PKNOX2: variants seen among roughly 807,000 people sequenced by gnomAD.
PKNOX2 encodes the protein homeobox protein PKNOX2.
A neutral mutation model predicts 53.1 loss-of-function variants in PKNOX2; 14 were observed. The ratio of observed to expected loss-of-function variants is 0.26; its 90% CI spans 0.17 to 0.41. The LOEUF (loss-of-function observed/expected upper bound fraction) is 0.41, where lower values mean the gene tolerates loss of function less well. Ranked by LOEUF, PKNOX2 falls within the 10% of genes least tolerant of loss-of-function variation. PKNOX2 has a pLI of 1.00. For missense variants in PKNOX2, 496 were observed against 602.8 expected (o/e 0.82, Z 1.85); for synonymous variants, 257 against 242.8 (o/e 1.06, Z -0.54).
chr11:125,241,159 C>T (rs1943114137), intron 2 of PKNOX2, among the ~76,000 whole-genome samples: 1 of 152,168 alleles, frequency 6.6e-6, no homozygotes, highest in Non-Finnish European at 1.5e-5. Context: ...TTCCTAACTT[C>T]ATCTCTCACC....
At chr11:125,413,606 A>G (rs1051774106) in intron 10 of PKNOX2, among the ~76,000 whole-genome samples, 2 of 152,158 alleles carry the variant, frequency 1.3e-5, no homozygotes, top group Non-Finnish European at 2.9e-5. Context: ...TAGAAAGCTC[A>G]TGGGCTTTTG....
intron 2 of PKNOX2, among the ~76,000 whole-genome samples, chr11:125,284,806 G>T (rs572144705): frequency 6.6e-6 from 1 of 152,198 alleles, no homozygotes; most frequent in South Asian, 2.1e-4. Flanking sequence ...GGAGGTCATT[G>T]GGCCCCCCTG....
chr11:125,346,910 T>C (rs889121167), intron 3 of PKNOX2, among the ~76,000 whole-genome samples: 13 of 151,902 alleles, frequency 8.6e-5, no homozygotes, highest in African/African-American at 3.1e-4. Flanking sequence ...CTCTCTGAAC[T>C]CCAGCACTCT....
intron 5 of PKNOX2, among the ~76,000 whole-genome samples, chr11:125,377,074 C>T (rs562639194): frequency 6.6e-6 from 1 of 152,222 alleles, no homozygotes; most frequent in South Asian, 2.1e-4. Flanking sequence ...GTCAGTGTTG[C>T]CCTGAATTTA....
Position 125,362,914 on chromosome 11 carries a change from C to T in PKNOX2, c.88-4932C>T, listed in dbSNP as rs559998651. ...GCCCCACCCAGATTTTACACACCTG[C>T]ATATACATCTGACAAGCCCTGACTC... is the stretch of plus-strand genomic sequence containing the variant. On this transcript the variant is annotated intron_variant, in intron 4 of 12. Transcript: ENST00000298282. Among the ~76,000 whole-genome samples, 208 of 152,316 alleles carry T rather than the reference C, an allele frequency of 1.4e-3. 1 individual carries two copies. The highest frequency in any genetic ancestry group is 5.4e-3 in the South Asian group (26 of 4,824).
At chr11:125,415,168 C>A (rs1955803187) in intron 10 of PKNOX2, among the ~76,000 whole-genome samples, 1 of 150,574 alleles carries the variant, frequency 6.6e-6, no homozygotes, top group African/African-American at 2.4e-5. Context: ...TTTATGAGGT[C>A]TTGCACCCCA....
At chr11:125,292,347 G>A (rs990572555) in intron 2 of PKNOX2, among the ~76,000 whole-genome samples, 3 of 152,204 alleles carry the variant, frequency 2.0e-5, no homozygotes, top group Non-Finnish European at 2.9e-5. Context: ...AGAAAGTCGG[G>A]GACAAAGCTT....
chr11:125,307,691 G>A (rs1439372633), intron 2 of PKNOX2, among the ~76,000 whole-genome samples: 1 of 152,190 alleles, frequency 6.6e-6, no homozygotes, highest in Non-Finnish European at 1.5e-5. Flanking sequence ...TACTCTTTAG[G>A]AAAAAGAGGC....
intron 3 of PKNOX2, among the ~76,000 whole-genome samples, chr11:125,343,111 C>T (rs1290860130): frequency 6.6e-6 from 1 of 151,752 alleles, no homozygotes; most frequent in Non-Finnish European, 1.5e-5. Flanking sequence ...CCTCCTGCCT[C>T]CATTCCTGGG....
chr11:125,265,562 G>A (rs951372821), intron 2 of PKNOX2, among the ~76,000 whole-genome samples: 9 of 152,094 alleles, frequency 5.9e-5, no homozygotes, highest in South Asian at 2.1e-4. Context: ...CTCTGCTGCC[G>A]CCTCACCCTG....
chr11:125,369,195 A>G (rs1591545070), intron 5 of PKNOX2, among the ~76,000 whole-genome samples: 2 of 152,232 alleles, frequency 1.3e-5, no homozygotes, highest in African/African-American at 4.8e-5. Flanking sequence ...GGTCCAGAGC[A>G]GTGGCCTCTG....
chr11:125,224,044 A>T (rs560202119), intron 1 of PKNOX2, among the ~76,000 whole-genome samples: 104 of 152,366 alleles, frequency 6.8e-4, no homozygotes, highest in Non-Finnish European at 9.8e-4. Flanking sequence ...GGCCTTGCTC[A>T]CACAGCTTTT....
chr11:125,326,966 A>T (rs1949852065), intron 2 of PKNOX2, among the ~76,000 whole-genome samples: 1 of 152,218 alleles, frequency 6.6e-6, no homozygotes, highest in African/African-American at 2.4e-5. Context: ...CGTGTAGGCA[A>T]ACCACACTTT....
chr11:125,231,710 G>GGT (rs1488419878), intron 1 of PKNOX2, among the ~76,000 whole-genome samples: 1 of 151,750 alleles, frequency 6.6e-6, no homozygotes, highest in African/African-American at 2.4e-5. Flanking sequence ...TACACACACA[G>GGT]GTGTGTGTGG....
At chr11:125,430,491 C>T (rs1260818336) in intron 12 of PKNOX2, among the ~76,000 whole-genome samples, 1 of 152,174 alleles carries the variant, frequency 6.6e-6, no homozygotes, top group African/African-American at 2.4e-5. Flanking sequence ...AGGCAGGCAG[C>T]TGGCTCGTGA....
intron 2 of PKNOX2, among the ~76,000 whole-genome samples, chr11:125,291,757 T>C (rs140744917): frequency 2.0e-5 from 3 of 152,308 alleles, no homozygotes; most frequent in East Asian, 1.9e-4. Context: ...TTTTGAAATA[T>C]GCTATAGCAT....
chr11:125,293,680 T>C (rs1031460007), intron 2 of PKNOX2, among the ~76,000 whole-genome samples: 2 of 152,042 alleles, frequency 1.3e-5, no homozygotes, highest in African/African-American at 2.4e-5. Flanking sequence ...TCAGGCCGCG[T>C]TGATGATCAG....
In PKNOX2 at chr11:125,177,015, G is replaced by A. The variant is rs11821878; in HGVS notation, c.-201+12239G>A. Among the ~76,000 whole-genome samples, 652 of 152,308 alleles carry A rather than the reference G, an allele frequency of 4.3e-3. 4 individuals are homozygous for A. Among genetic ancestry groups the A allele is most frequent in the African/African-American group, 0.015 (614 of 41,562 alleles). On this transcript the variant is annotated intron_variant, in intron 1 of 12. Transcript: ENST00000298282. ...ATAACCTTGCGATGTTCATGTTCAC[G>A]TCTTACCTGAGTCTGATTTCTGGAA...
intron 6 of PKNOX2, among the ~76,000 whole-genome samples, chr11:125,396,959 T>C (rs779980388): frequency 6.6e-6 from 1 of 152,214 alleles, no homozygotes; most frequent in Non-Finnish European, 1.5e-5. Flanking sequence ...ATTGAAACTA[T>C]GTTAAAATAT....
Sources: allele counts gnomAD v4.1 joint callset (sites outside exome capture counted in the v4.1 genomes callset), GRCh38; gene constraint gnomAD v4.1.1; transcripts MANE v1.5; gene names NCBI Gene and HGNC (gene_info 2026-07-23, HGNC 2026-07-21).